ZNF385D: variants seen among roughly 807,000 people sequenced by gnomAD.
ZNF385D encodes the protein zinc finger protein 659.
In ZNF385D, 15 loss-of-function variants were observed where a neutral mutation model predicts 35.8. That is an observed-to-expected ratio of 0.42 (90% CI 0.28 to 0.64). The LOEUF (loss-of-function observed/expected upper bound fraction) is 0.64, where lower values mean the gene tolerates loss of function less well. Among genes scored for constraint, ZNF385D ranks in the 30% least tolerant of loss-of-function variants. The pLI is 0.23. For synonymous variants in ZNF385D, 212 were observed against 186.8 expected (o/e 1.13, Z -1.10); for missense variants, 474 against 494.6 (o/e 0.96, Z 0.39).
At chr3:21,623,213 A>G (rs904102488) in intron 2 of ZNF385D, among the ~76,000 whole-genome samples, 9 of 152,152 alleles carry the variant, frequency 5.9e-5, no homozygotes, top group African/African-American at 1.9e-4. Flanking sequence ...TAGTTCAAGC[A>G]CTTATGCATG....
At chr3:22,315,039 T>G (rs1186621300) in intron 2 of ZNF385D, among the ~76,000 whole-genome samples, 3 of 151,994 alleles carry the variant, frequency 2.0e-5, no homozygotes, top group Non-Finnish European at 4.4e-5. Context: ...GAAGGCTGAA[T>G]TGAGTAAAGA....
At chr3:21,962,087 AG>A (rs1702629308) in intron 3 of ZNF385D, among the ~76,000 whole-genome samples, 2 of 152,138 alleles carry the variant, frequency 1.3e-5, no homozygotes, top group African/African-American at 2.4e-5. Context: ...TGTCTTTCAA[AG>A]GTCCATCTCA....
At chr3:21,962,617 C>T (rs1346217362) in intron 3 of ZNF385D, among the ~76,000 whole-genome samples, 1 of 152,156 alleles carries the variant, frequency 6.6e-6, no homozygotes, top group African/African-American at 2.4e-5. Flanking sequence ...TGCAGCAGTT[C>T]AGCTCCCAGA....
chr3:21,616,967 A>G (rs1450901750), intron 2 of ZNF385D, among the ~76,000 whole-genome samples: 4 of 152,178 alleles, frequency 2.6e-5, no homozygotes, highest in South Asian at 2.1e-4. Flanking sequence ...AAAGGTCTCA[A>G]AAAAGTCAGA....
intron 4 of ZNF385D, among the ~76,000 whole-genome samples, chr3:21,471,010 C>A (rs1350406363): frequency 1.3e-5 from 2 of 151,960 alleles, no homozygotes; most frequent in East Asian, 3.9e-4. Flanking sequence ...TAATATTGAT[C>A]CCTTATTGTC....
At chr3:22,209,759 AATC>A (rs1005736187) in intron 2 of ZNF385D, among the ~76,000 whole-genome samples, 3 of 4,438 alleles carry the variant, frequency 6.8e-4, no homozygotes, top group Non-Finnish European at 1.1e-3. Context: ...TTAAAAGAAC[AATC>A]ATTTTTTTTT....
chr3:21,685,830 G>A (rs2067085153), intron 1 of ZNF385D, among the ~76,000 whole-genome samples: 1 of 152,272 alleles, frequency 6.6e-6, no homozygotes, highest in Non-Finnish European at 1.5e-5. Flanking sequence ...GCTACCTTGA[G>A]GTTTTGGCCA....
At chr3:21,850,398 G>A (rs1311811103) in intron 3 of ZNF385D, among the ~76,000 whole-genome samples, 1 of 152,068 alleles carries the variant, frequency 6.6e-6, no homozygotes, top group African/African-American at 2.4e-5. Context: ...GGATAGTGAA[G>A]GAAGGCCAAG....
chr3:21,447,850 A>G (rs1702238108), intron 4 of ZNF385D, among the ~76,000 whole-genome samples: 1 of 152,206 alleles, frequency 6.6e-6, no homozygotes, highest in Non-Finnish European at 1.5e-5. Flanking sequence ...CATAAAAATG[A>G]AGAAATAACA....
chr3:22,307,402 G>C (rs1007124330), intron 2 of ZNF385D, among the ~76,000 whole-genome samples: 27 of 152,154 alleles, frequency 1.8e-4, no homozygotes, highest in Non-Finnish European at 3.8e-4. Context: ...TTGGACTAGA[G>C]ATGTGCATTT....
chr3:22,123,950 C>CTA (rs1703260521), intron 3 of ZNF385D, among the ~76,000 whole-genome samples: 2 of 103,196 alleles, frequency 1.9e-5, no homozygotes, highest in Non-Finnish European at 4.0e-5. Flanking sequence ...CTCTCTCTCT[C>CTA]TCTCTCTCTC....
chr3:21,967,544 G>T (rs1250400661), intron 3 of ZNF385D, among the ~76,000 whole-genome samples: 1 of 152,202 alleles, frequency 6.6e-6, no homozygotes, highest in Non-Finnish European at 1.5e-5. Flanking sequence ...TTCCTGGAGA[G>T]AAGGAAAGCT....
intron 2 of ZNF385D, among the ~76,000 whole-genome samples, chr3:22,239,529 A>T (rs2638164): frequency 0.87 from 131,223 of 150,394 alleles, 57,935 homozygotes; most frequent in East Asian, 0.98. Flanking sequence ...AAATACATAT[A>T]ATCATATTTT....
At chr3:22,101,416 C>T (rs908267975) in intron 3 of ZNF385D, among the ~76,000 whole-genome samples, 2 of 152,050 alleles carry the variant, frequency 1.3e-5, no homozygotes, top group Non-Finnish European at 1.5e-5. Context: ...CCAGGTTCCA[C>T]GTGCCAATCT....
Position 21,613,099 on chromosome 3 carries a change from A to G in ZNF385D, c.166-48415T>C, listed in dbSNP as rs555918997. Among the ~76,000 whole-genome samples, 56 of 150,902 alleles carry G rather than the reference A, an allele frequency of 3.7e-4. 1 individual carries two copies. The highest frequency in any genetic ancestry group is 3.4e-3 in the Middle Eastern group (1 of 292). ...AACTCTCACCCTGAACATATCTGTT[A>G]TACTTCAAGGTGAGTTAGAAAGTGA... On this transcript the variant is annotated intron_variant, in intron 2 of 7. Transcript: ENST00000281523.
intron 3 of ZNF385D, among the ~76,000 whole-genome samples, chr3:21,841,623 G>A (rs184505832): frequency 6.6e-5 from 10 of 151,760 alleles, no homozygotes; most frequent in East Asian, 3.9e-4. Flanking sequence ...CCATTCAATC[G>A]CTTCCATTTT....
At chr3:21,435,923 G>A (rs1010351121) in intron 5 of ZNF385D, among the ~76,000 whole-genome samples, 1 of 152,144 alleles carries the variant, frequency 6.6e-6, no homozygotes, top group Non-Finnish European at 1.5e-5. Context: ...ACTCCTTAGA[G>A]TCTTGAAGTC....
intron 3 of ZNF385D, among the ~76,000 whole-genome samples, chr3:22,092,446 C>T (rs1031752282): frequency 6.6e-6 from 1 of 152,156 alleles, no homozygotes; most frequent in Admixed American, 6.5e-5. Context: ...GCCTTCATGA[C>T]AGAGTGCTGC....
At chr3:21,879,775 G>A (rs1338104602) in intron 3 of ZNF385D, among the ~76,000 whole-genome samples, 2 of 151,988 alleles carry the variant, frequency 1.3e-5, no homozygotes, top group Non-Finnish European at 2.9e-5. Context: ...TTCAGCTTTG[G>A]AGGATGCATG....
Sources: gnomAD v4.1 joint callset for allele counts (sites outside exome capture counted in the v4.1 genomes callset) on GRCh38, gnomAD v4.1.1 for gene constraint, MANE v1.5 for transcripts, NCBI Gene and HGNC (gene_info 2026-07-23, HGNC 2026-07-21) for gene names.